The following ARHGAP10 variants were observed in gnomAD, a reference collection of about 807,000 sequenced individuals.
The protein encoded by ARHGAP10 is rho GTPase-activating protein 10.
In ARHGAP10, 87 loss-of-function variants were observed where a neutral mutation model predicts 108.6. That is an observed-to-expected ratio of 0.80 (90% CI 0.67 to 0.96). The LOEUF (loss-of-function observed/expected upper bound fraction) is 0.96, where lower values mean the gene tolerates loss of function less well. Ranked by LOEUF, ARHGAP10 falls within the 40% of genes least tolerant of loss-of-function variation. The pLI is 0.00. For synonymous variants in ARHGAP10, 347 were observed against 341.1 expected, an observed-to-expected ratio of 1.02 and a Z score of -0.19; for missense variants, 939 against 954.5, an observed-to-expected ratio of 0.98 and a Z score of 0.21.
Position 148,046,922 on chromosome 4 carries a change from C to T in ARHGAP10, c.1898C>T (p.Thr633Ile), listed in dbSNP as rs751390375. ...AATCCTTACCCTTCCAAGGAGGACA[C>T]CCCTACCAGCAGTCTGGACTCACTT... is the stretch of plus-strand genomic sequence containing the variant. ...GDNPYPSKED[T>I]PTSSLDSLSS... The change falls in exon 20 of 23, where the codon ACC becomes ATC. Residue 633 changes from threonine to isoleucine, a missense_variant. By Grantham distance (89) the Thr-to-Ile change is moderately conservative. Coordinates refer to ENST00000336498, the MANE Select transcript of ARHGAP10 (RefSeq NM_024605.4). 6 of 1,613,956 alleles carry T rather than the reference C, an allele frequency of 3.7e-6. No homozygotes were observed. Among genetic ancestry groups the T allele is most frequent in the East Asian group, 2.2e-5 (1 of 44,892 alleles).
chr4:147,748,569 G>A (rs1729022111), intron 1 of ARHGAP10, among the ~76,000 whole-genome samples: 2 of 152,192 alleles, frequency 1.3e-5, no homozygotes, highest in Admixed American at 1.3e-4. Flanking sequence ...ACAGGGAGTG[G>A]GAGGAAACTT....
intron 1 of ARHGAP10, among the ~76,000 whole-genome samples, chr4:147,739,589 A>G (rs990648541): frequency 7.2e-5 from 11 of 152,248 alleles, no homozygotes; most frequent in African/African-American, 2.7e-4. Context: ...GAAGACGACC[A>G]GAGACATCCC....
intron 19 of ARHGAP10, among the ~76,000 whole-genome samples, chr4:148,043,432 T>C (rs902922994): frequency 2.0e-5 from 3 of 151,652 alleles, no homozygotes; most frequent in African/African-American, 7.3e-5. Context: ...TGAAAAATAA[T>C]GAGTGTATCT....
At chr4:147,970,819 G>A (rs969055249) in intron 18 of ARHGAP10, among the ~76,000 whole-genome samples, 1 of 152,170 alleles carries the variant, frequency 6.6e-6, no homozygotes, top group Non-Finnish European at 1.5e-5. Flanking sequence ...TGAGCATGGT[G>A]GCTCATGCCT....
chr4:147,946,522 T>G (rs1248106757), intron 14 of ARHGAP10, 95 bp from the exon 15 acceptor site: 3 of 911,090 alleles, frequency 3.3e-6, no homozygotes, highest in South Asian at 3.3e-5. Context: ...GGATTGTGGT[T>G]TGCCCATTTA....
chr4:147,842,124 T>C (rs1733438026), intron 3 of ARHGAP10, among the ~76,000 whole-genome samples: 1 of 152,036 alleles, frequency 6.6e-6, no homozygotes, highest in East Asian at 1.9e-4. Flanking sequence ...TTAGTAGAGA[T>C]GGAATTTCAC....
At chr4:147,754,293 T>C (rs1729281075) in intron 1 of ARHGAP10, among the ~76,000 whole-genome samples, 1 of 152,244 alleles carries the variant, frequency 6.6e-6, no homozygotes, top group Non-Finnish European at 1.5e-5. Context: ...CTTTTGTAAG[T>C]AACTCCATAC....
chr4:147,739,734 T>TGGGCTTTTTTTTTTTTTTTGAC (rs1728577005), intron 1 of ARHGAP10, among the ~76,000 whole-genome samples: 1 of 151,278 alleles, frequency 6.6e-6, no homozygotes, highest in Admixed American at 6.6e-5. Context: ...CCTTATATCT[T>TGGGCTTTTTTTTTTTTTTTGAC]GGGCTTTTTT....
chr4:147,851,608 A>G (rs969851908), intron 4 of ARHGAP10, among the ~76,000 whole-genome samples: 4 of 152,254 alleles, frequency 2.6e-5, no homozygotes, highest in Admixed American at 2.6e-4. Flanking sequence ...TTCTCATATT[A>G]CATTGTATTT....
At chr4:148,003,611 A>G (rs566701851) in intron 18 of ARHGAP10, among the ~76,000 whole-genome samples, 103 of 152,230 alleles carry the variant, frequency 6.8e-4, no homozygotes, top group Admixed American at 6.6e-3. Context: ...TTGGGTGCAT[A>G]TATGTTTAGG....
chr4:147,848,955 T>C (rs1456889793), intron 4 of ARHGAP10, among the ~76,000 whole-genome samples: 1 of 152,258 alleles, frequency 6.6e-6, no homozygotes, highest in African/African-American at 2.4e-5. Flanking sequence ...CCTGAAGTCC[T>C]ATTTCTGTAT....
At chr4:147,751,886 T>G (rs1208102955) in intron 1 of ARHGAP10, among the ~76,000 whole-genome samples, 1 of 148,252 alleles carries the variant, frequency 6.7e-6, no homozygotes, top group East Asian at 1.9e-4. Flanking sequence ...GCCTTTAGTT[T>G]TTTTTTTTTT....
intron 18 of ARHGAP10, among the ~76,000 whole-genome samples, chr4:147,993,916 C>T (rs566551269): frequency 6.6e-6 from 1 of 152,240 alleles, no homozygotes; most frequent in African/African-American, 2.4e-5. Context: ...CTAGTTCATG[C>T]AAACCGTGAA....
chr4:148,059,735 A>G (rs553881175), intron 20 of ARHGAP10, among the ~76,000 whole-genome samples: 2 of 152,204 alleles, frequency 1.3e-5, no homozygotes, highest in African/African-American at 4.8e-5. Context: ...CTTGCGAGCT[A>G]CCAAATTAGC....
intron 1 of ARHGAP10, among the ~76,000 whole-genome samples, chr4:147,785,534 T>C (rs1049980842): frequency 8.5e-5 from 13 of 152,138 alleles, no homozygotes; most frequent in African/African-American, 2.9e-4. Context: ...ATCCCATGGG[T>C]GTATGTATAT....
chr4:147,860,977 T>A (rs1357109249), intron 5 of ARHGAP10: 1 of 152,182 alleles, frequency 6.6e-6, no homozygotes, highest in Non-Finnish European at 1.5e-5. Context: ...GTCACGGAAT[T>A]TTTAGGATGT....
At chr4:148,026,560 A>G (rs1315549781) in intron 19 of ARHGAP10, among the ~76,000 whole-genome samples, 4 of 152,210 alleles carry the variant, frequency 2.6e-5, no homozygotes, top group Non-Finnish European at 5.9e-5. Context: ...ATGATATTAA[A>G]TTTATTTGCA....
At chr4:147,783,214 AATT>A (rs1410291876) in intron 1 of ARHGAP10, among the ~76,000 whole-genome samples, 5 of 144,722 alleles carry the variant, frequency 3.5e-5, no homozygotes, top group Non-Finnish European at 7.5e-5. Flanking sequence ...TAACACATTA[AATT>A]ATGTATTGTA....
At chr4:147,850,681 C>T (rs1293295586) in intron 4 of ARHGAP10, among the ~76,000 whole-genome samples, 1 of 152,128 alleles carries the variant, frequency 6.6e-6, no homozygotes, top group Non-Finnish European at 1.5e-5. Context: ...CTGCGAGGGT[C>T]CGCGGCTTCG....
Sources: allele counts gnomAD v4.1 joint callset (sites outside exome capture counted in the v4.1 genomes callset), GRCh38; gene constraint gnomAD v4.1.1; transcripts MANE v1.5; gene names NCBI Gene and HGNC (gene_info 2026-07-23, HGNC 2026-07-21).